The following DZANK1 variants were observed in gnomAD, a reference collection of about 807,000 sequenced individuals.
DZANK1 encodes the protein double zinc ribbon and ankyrin repeat-containing protein 1.
In DZANK1, 91 loss-of-function variants were observed where a neutral mutation model predicts 94.5. The ratio of observed to expected loss-of-function variants is 0.96; its 90% CI spans 0.81 to 1.15. The LOEUF (loss-of-function observed/expected upper bound fraction) is 1.15, where lower values mean the gene tolerates loss of function less well. Among genes scored for constraint, DZANK1 ranks in the 50% most tolerant of loss-of-function variants. DZANK1 has a pLI of 0.00. For synonymous variants in DZANK1, 312 were observed against 325.3 expected (o/e 0.96, Z 0.44); for missense variants, 903 against 916.4 (o/e 0.99, Z 0.19).
chr20:18,384,353 C>T, exon 21 of DZANK1: 2 of 1,551,590 alleles, frequency 1.3e-6, no homozygotes, highest in Non-Finnish European at 1.7e-6. Flanking sequence ...GCCACTGTGC[C>T]AGCCATGCAC....
chr20:18,448,839 C>G (rs1191063862), intron 7 of DZANK1, 145 bp downstream of exon 7: 1 of 662,632 alleles, frequency 1.5e-6, no homozygotes, highest in Non-Finnish European at 2.5e-6. Flanking sequence ...CGCACTCCAG[C>G]CAGGGTGACA....
chr20:18,448,883 AAAAG>A, intron 7 of DZANK1, 97 bp downstream of exon 7: 1 of 973,106 alleles, frequency 1.0e-6, no homozygotes, highest in Non-Finnish European at 1.5e-6. Flanking sequence ...AAAAAAAAAA[AAAAG>A]TTGGAGGTGG....
chr20:18,451,799 G>A (rs1333384507), intron 6 of DZANK1: 9 of 481,288 alleles, frequency 1.9e-5, no homozygotes, highest in Admixed American at 6.9e-5. Flanking sequence ...AGCAAAGCCC[G>A]CCTCCTATCC....
exon 13 of DZANK1, chr20:18,412,663 G>A (rs2057312754): frequency 1.9e-6 from 3 of 1,612,736 alleles, no homozygotes; most frequent in Non-Finnish European, 2.5e-6. Flanking sequence ...TGGGCTGATG[G>A]CTGTCAGGAG....
rs2056005900 is a variant in DZANK1 at position 18,391,809 on chromosome 20, C to T, written c.1810-1350G>A. On this transcript the variant is annotated intron_variant, in intron 17 of 20. Coordinates refer to ENST00000262547, the Ensembl canonical transcript of DZANK1. ...CTCTGAGCCTTTCAGAAGATGATGC[C>T]TGGTCCAGGCGGTGCTGCCTCCTTT... Among the ~76,000 whole-genome samples, 2 of 152,200 alleles carry T rather than the reference C, an allele frequency of 1.3e-5. 1 individual carries two copies. The highest frequency in any genetic ancestry group is 4.1e-4 in the South Asian group (2 of 4,828).
intron 13 of DZANK1, among the ~76,000 whole-genome samples, chr20:18,409,397 T>G (rs2057121988): frequency 6.6e-6 from 1 of 152,138 alleles, no homozygotes; most frequent in Non-Finnish European, 1.5e-5. Context: ...ATCAACGTAT[T>G]CAAAGTGTTC....
At chr20:18,408,263 C>T (rs2182772) in intron 13 of DZANK1, among the ~76,000 whole-genome samples, 55,545 of 152,078 alleles carry the variant, frequency 0.37, 11,038 homozygotes, top group Middle Eastern at 0.46. Flanking sequence ...TTGCAGTGAG[C>T]TGAGATCACA....
exon 5 of DZANK1, chr20:18,453,807 A>G (rs2059190329): frequency 1.9e-6 from 3 of 1,606,426 alleles, no homozygotes; most frequent in Non-Finnish European, 1.7e-6. Flanking sequence ...GTTTTGATCC[A>G]ACAAATCCAT....
At chr20:18,402,268 A>G (rs1489216780) in intron 13 of DZANK1, among the ~76,000 whole-genome samples, 1 of 152,176 alleles carries the variant, frequency 6.6e-6, no homozygotes, top group Non-Finnish European at 1.5e-5. Flanking sequence ...AATTGGCTGC[A>G]GCTGGTGCCA....
intron 8 of DZANK1, among the ~76,000 whole-genome samples, chr20:18,438,412 A>C (rs939665284): frequency 2.6e-5 from 4 of 152,178 alleles, no homozygotes; most frequent in African/African-American, 9.6e-5. Flanking sequence ...TGGATAAAAA[A>C]GCAAGATCCA....
At chr20:18,396,766 TCTA>T (rs1189369285) in intron 14 of DZANK1, among the ~76,000 whole-genome samples, 1 of 152,144 alleles carries the variant, frequency 6.6e-6, no homozygotes. Context: ...ATATCTAAAC[TCTA>T]CTAATTATAA....
intron 8 of DZANK1, among the ~76,000 whole-genome samples, chr20:18,440,777 G>C (rs1052295052): frequency 6.6e-6 from 1 of 152,204 alleles, no homozygotes; most frequent in Non-Finnish European, 1.5e-5. Flanking sequence ...AGGAGGCACA[G>C]AGTGACAAGG....
intron 13 of DZANK1, among the ~76,000 whole-genome samples, chr20:18,403,615 T>G (rs766942001): frequency 6.6e-6 from 1 of 152,076 alleles, no homozygotes; most frequent in Non-Finnish European, 1.5e-5. Flanking sequence ...GCCAGTTTAC[T>G]CAGATCAGAG....
intron 13 of DZANK1, among the ~76,000 whole-genome samples, chr20:18,404,982 C>A (rs1028120643): frequency 7.3e-5 from 11 of 151,204 alleles, no homozygotes; most frequent in African/African-American, 2.7e-4. Context: ...TTGCTTGAGG[C>A]CAGGAGTTTG....
intron 13 of DZANK1, among the ~76,000 whole-genome samples, chr20:18,407,230 C>T (rs1368535869): frequency 6.6e-6 from 1 of 152,170 alleles, no homozygotes; most frequent in African/African-American, 2.4e-5. Flanking sequence ...CTTGCATCAC[C>T]ATACCCCTAG....
At chr20:18,404,315 T>G (rs1158297877) in intron 13 of DZANK1, among the ~76,000 whole-genome samples, 1 of 152,028 alleles carries the variant, frequency 6.6e-6, no homozygotes, top group Non-Finnish European at 1.5e-5. Context: ...AATACAGGAA[T>G]CATCCAACAA....
chr20:18,425,290 A>G (rs1327774612), intron 10 of DZANK1, among the ~76,000 whole-genome samples: 1 of 152,190 alleles, frequency 6.6e-6, no homozygotes, highest in African/African-American at 2.4e-5. Flanking sequence ...CAGTGGCTCA[A>G]GCCTGTAATC....
intron 13 of DZANK1, among the ~76,000 whole-genome samples, chr20:18,410,710 G>T (rs932106067): frequency 3.9e-5 from 6 of 152,200 alleles, no homozygotes; most frequent in Admixed American, 2.6e-4. Flanking sequence ...ACTCTGGAAG[G>T]CTAAGGTGGG....
chr20:18,447,965 A>G (rs1278028495), intron 7 of DZANK1, among the ~76,000 whole-genome samples: 1 of 152,104 alleles, frequency 6.6e-6, no homozygotes, highest in Non-Finnish European at 1.5e-5. Context: ...TGTATACATA[A>G]TGACTTTGGG....
Sources: allele counts gnomAD v4.1 joint callset (sites outside exome capture counted in the v4.1 genomes callset), GRCh38; gene constraint gnomAD v4.1.1; transcripts MANE v1.5; gene names NCBI Gene and HGNC (gene_info 2026-07-23, HGNC 2026-07-21).